The following CALCR variants were observed in gnomAD, a reference collection of about 807,000 sequenced individuals.
CALCR encodes calcitonin receptor.
A neutral mutation model predicts 59.5 loss-of-function variants in CALCR; 47 were observed. That is an observed-to-expected ratio of 0.79 (90% CI 0.63 to 1.01). CALCR has a LOEUF of 1.01. Among genes scored for constraint, CALCR ranks in the 50% least tolerant of loss-of-function variants. CALCR has a pLI of 0.00. For synonymous variants in CALCR, 213 were observed against 211.3 expected, an observed-to-expected ratio of 1.01 and a Z score of -0.07; for missense variants, 566 against 597.1, an observed-to-expected ratio of 0.95 and a Z score of 0.54.
At chr7:93,526,735 CA>C (rs765863965) in intron 2 of CALCR, among the ~76,000 whole-genome samples, 1 of 152,012 alleles carries the variant, frequency 6.6e-6, no homozygotes, top group Non-Finnish European at 1.5e-5. Context: ...ATTCAATAGA[CA>C]GATAGTCCAA....
At chr7:93,449,917 C>G (rs964665191) in intron 8 of CALCR, among the ~76,000 whole-genome samples, 1 of 152,016 alleles carries the variant, frequency 6.6e-6, no homozygotes, top group African/African-American at 2.4e-5. Flanking sequence ...CTGCTATACC[C>G]TGTCATTTAT....
In CALCR at chr7:93,424,874, T is replaced by G. The variant is rs559681572; in HGVS notation, c.*1482A>C. 2.6e-5 allele frequency: 4 copies of G among 152,704 alleles called. No homozygotes were observed. The highest frequency in any genetic ancestry group is 3.4e-3 in the Middle Eastern group (1 of 294). 9.5% of individuals were successfully genotyped at this position (152,704 alleles called of 1,614,324 possible). On this transcript the variant is annotated 3_prime_UTR_variant, in exon 14 of 14. Coordinates refer to ENST00000426151, the MANE Select transcript of CALCR (RefSeq NM_001742.4). ...TAGTATCCCAAATTCATTTTCTCTG[T>G]AGAAATATAATTAATTTTCTCTGGG...
intron 2 of CALCR, among the ~76,000 whole-genome samples, chr7:93,507,481 C>T (rs1007992650): frequency 4.6e-5 from 7 of 151,720 alleles, no homozygotes; most frequent in African/African-American, 9.7e-5. Flanking sequence ...GTAGGGTTTT[C>T]GAGACAGCCT....
At position 93,487,020 on chromosome 7, in the gene CALCR, A is replaced by G. The variant is rs565116359; in HGVS notation, c.-26-13T>C. The G allele has an allele frequency of 2.1e-6, 3 of 1,405,590 alleles. No individual in the cohort carries two copies. The East Asian group carries it at 6.9e-5, about 33-fold the overall frequency. 87.1% of individuals were successfully genotyped at this position (1,405,590 alleles called of 1,614,324 possible). A position where few individuals can be genotyped will look rare whatever the true frequency, so the allele number is the denominator to read the frequency against. On this transcript the variant is annotated splice_polypyrimidine_tract_variant and intron_variant, in intron 2 of 13. Transcript: ENST00000426151. ...AGATCTCTTTGTCCTAGAAAAATAT[A>G]AAAGCAACAAAGACTAAAATTAATA...
At chr7:93,537,114 G>GA (rs987319279) in intron 2 of CALCR, among the ~76,000 whole-genome samples, 34 of 149,032 alleles carry the variant, frequency 2.3e-4, no homozygotes, top group Middle Eastern at 3.4e-3. Flanking sequence ...AAAACAAAAA[G>GA]AAAAAAAAAC....
chr7:93,511,595 A>G (rs1426882213), intron 2 of CALCR, among the ~76,000 whole-genome samples: 1 of 152,106 alleles, frequency 6.6e-6, no homozygotes, highest in African/African-American at 2.4e-5. Context: ...GGAAAATGTA[A>G]TTCCTTTTGA....
intron 13 of CALCR, among the ~76,000 whole-genome samples, chr7:93,427,115 A>G (rs1004686103): frequency 5.3e-5 from 8 of 152,254 alleles, no homozygotes; most frequent in African/African-American, 1.9e-4. Context: ...TAATGCCATG[A>G]CAACTTTTTA....
At chr7:93,505,508 G>A (rs1354657541) in intron 2 of CALCR, among the ~76,000 whole-genome samples, 1 of 152,160 alleles carries the variant, frequency 6.6e-6, no homozygotes, top group East Asian at 1.9e-4. Context: ...TTTACAAAGT[G>A]TATACACAGC....
chr7:93,462,112 T>C (rs988155988), intron 7 of CALCR: 3 of 1,486,644 alleles, frequency 2.0e-6, no homozygotes, highest in Non-Finnish European at 2.7e-6. Context: ...GTCAATTTTC[T>C]GCAATAAAAA....
Position 93,570,519 on chromosome 7 carries a change from A to G in CALCR, c.-27+3770T>C, listed in dbSNP as rs192603536. Among the ~76,000 whole-genome samples the G allele has an allele frequency of 5.3e-5, 8 of 152,326 alleles. No individual in the cohort carries two copies. The East Asian group carries it at 1.3e-3, about 26-fold the overall frequency. ...GTGAAATGGAATAGTTAAATATTTC[A>G]CTGAACCAGGTACTTTACTTCTTTG... On this transcript the variant is annotated intron_variant, in intron 2 of 13. Coordinates refer to ENST00000426151, the MANE Select transcript of CALCR (RefSeq NM_001742.4).
At chr7:93,443,410 T>G (rs1328898552) in intron 9 of CALCR, among the ~76,000 whole-genome samples, 194 bp downstream of exon 9, 1 of 152,102 alleles carries the variant, frequency 6.6e-6, no homozygotes, top group East Asian at 1.9e-4. Flanking sequence ...GACCCTCATG[T>G]TCAGCACAGT....
chr7:93,501,433 A>G (rs1801319719), intron 2 of CALCR, among the ~76,000 whole-genome samples: 1 of 152,110 alleles, frequency 6.6e-6, no homozygotes, highest in South Asian at 2.1e-4. Context: ...TAAGTATATA[A>G]AAAATTACAG....
chr7:93,540,813 TA>T (rs1481723985), intron 2 of CALCR, among the ~76,000 whole-genome samples: 7 of 150,386 alleles, frequency 4.7e-5, no homozygotes, highest in African/African-American at 1.7e-4. Flanking sequence ...ACATCTTTAT[TA>T]TATTTAAGTG....
At chr7:93,485,913 T>G (rs1800932445) in intron 3 of CALCR, among the ~76,000 whole-genome samples, 1 of 151,680 alleles carries the variant, frequency 6.6e-6, no homozygotes. Context: ...ATTTATTTGA[T>G]GTACAATATT....
chr7:93,539,564 A>G (rs1271902455), intron 2 of CALCR, among the ~76,000 whole-genome samples: 4 of 152,116 alleles, frequency 2.6e-5, no homozygotes, highest in African/African-American at 9.7e-5. Context: ...AATTACACCC[A>G]AAGAGTCGTT....
intron 4 of CALCR, among the ~76,000 whole-genome samples, chr7:93,477,961 C>CAAAAAAAAAAAAAAAAAAAA (rs71107894): frequency 1.8e-5 from 1 of 54,400 alleles, no homozygotes; most frequent in Admixed American, 3.0e-4. Context: ...GACCCTCTCT[C>CAAAAAAAAAAAAAAAAAAAA]AAAAAAAAAA....
At chr7:93,484,049 A>C (rs2115915396) in intron 3 of CALCR, 1 of 498,456 alleles carries the variant, frequency 2.0e-6, no homozygotes, top group East Asian at 5.8e-5. Flanking sequence ...CCCAAACATC[A>C]TCAGTTTTTT....
intron 2 of CALCR, among the ~76,000 whole-genome samples, chr7:93,493,221 C>G (rs563254046): frequency 8.6e-5 from 13 of 151,440 alleles, no homozygotes; most frequent in African/African-American, 3.1e-4. Context: ...GGCTTGTGAT[C>G]TAATGAGTTA....
intron 8 of CALCR, among the ~76,000 whole-genome samples, chr7:93,454,195 T>C (rs1277891934): frequency 2.6e-5 from 4 of 151,990 alleles, no homozygotes; most frequent in Non-Finnish European, 5.9e-5. Flanking sequence ...GTTTCCACCC[T>C]GGGTTTTGTC....
Sources: allele counts gnomAD v4.1 joint callset (sites outside exome capture counted in the v4.1 genomes callset), GRCh38; gene constraint gnomAD v4.1.1; transcripts MANE v1.5; gene names NCBI Gene and HGNC (gene_info 2026-07-23, HGNC 2026-07-21).